REV3L: variants seen among roughly 807,000 people sequenced by gnomAD.
The protein encoded by REV3L is DNA polymerase zeta catalytic subunit.
In REV3L, 69 loss-of-function variants were observed where a neutral mutation model predicts 299.4. The observed-to-expected ratio is 0.23, with a 90% confidence interval of 0.19 to 0.28. REV3L has a LOEUF of 0.28. REV3L is among the 10% of genes least tolerant of loss of function. REV3L has a pLI of 1.00. For synonymous variants in REV3L, 1,238 were observed against 1,271.4 expected, an observed-to-expected ratio of 0.97 and a Z score of 0.56; for missense variants, 3,128 against 3,693.8, an observed-to-expected ratio of 0.85 and a Z score of 3.97.
chr6:111,475,181 C>T (rs1298864590), intron 1 of REV3L, among the ~76,000 whole-genome samples: 14 of 152,114 alleles, frequency 9.2e-5, no homozygotes, highest in Admixed American at 9.2e-4. Context: ...CACAGCAGTA[C>T]ACATAGTATT....
At position 111,482,731 on chromosome 6, in the gene REV3L, G is replaced by A; in HGVS notation, c.139+19C>T. 2 of 1,337,202 alleles carry A rather than the reference G, an allele frequency of 1.5e-6. No homozygotes were observed. The highest frequency in any genetic ancestry group is 1.9e-6 in the Non-Finnish European group (2 of 1,036,408). The allele number at this position is 1,337,202 out of a possible 1,614,324, so 82.8% of individuals were successfully genotyped here. A position where few individuals can be genotyped will look rare whatever the true frequency, so the allele number is the denominator to read the frequency against. On this transcript the variant is annotated intron_variant, in intron 1 of 31. Transcript: ENST00000368802. Reference sequence around the variant, plus strand: ...CCCCGCCGACTCCCGCTCCCGCCCCGCGCCCGGCGCCCGCTTACCTGCCGG... The same window carrying A: ...CCCCGCCGACTCCCGCTCCCGCCCCACGCCCGGCGCCCGCTTACCTGCCGG...
intron 1 of REV3L, among the ~76,000 whole-genome samples, chr6:111,436,178 A>G (rs1435084868): frequency 6.6e-6 from 1 of 152,208 alleles, no homozygotes; most frequent in African/African-American, 2.4e-5. Flanking sequence ...GGATGCGGAT[A>G]AAGGAGAATC....
intron 5 of REV3L, among the ~76,000 whole-genome samples, chr6:111,391,401 T>A (rs1425126339): frequency 6.6e-6 from 1 of 152,166 alleles, no homozygotes; most frequent in Admixed American, 6.5e-5. Flanking sequence ...GAAAAACATG[T>A]TAGCAAAAAC....
At chr6:111,376,856 T>A in intron 12 of REV3L, 99 bp from the exon 13 acceptor site, 1 of 925,950 alleles carries the variant, frequency 1.1e-6, no homozygotes. Flanking sequence ...TATGAAAAAA[T>A]TACATCAAAT....
At chr6:111,431,215 G>A (rs1786885062) in intron 1 of REV3L, 4 of 1,564,202 alleles carry the variant, frequency 2.6e-6, no homozygotes, top group South Asian at 2.2e-5. Context: ...TAGTTTACTG[G>A]ATGTTTTAAC....
chr6:111,359,015 C>T lies in REV3L; in HGVS notation c.6880-1G>A, dbSNP rs1488663590. ...CACTGATTAGGGTAAGATTTTGTATCTATAAAAGCAAATAAATACTATGTT... is the reference window on the plus strand; with the variant it reads ...CACTGATTAGGGTAAGATTTTGTATTTATAAAAGCAAATAAATACTATGTT... On this transcript the variant is annotated splice_acceptor_variant, in intron 16 of 31. Transcript: ENST00000368802. LOFTEE classifies it high-confidence loss of function. The T allele has an allele frequency of 6.3e-7, 1 of 1,599,146 alleles. No individual in the cohort carries two copies. The highest frequency in any genetic ancestry group is 8.5e-7 in the Non-Finnish European group (1 of 1,171,862).
In REV3L at chr6:111,389,176, T is replaced by C. The variant is rs766492331; in HGVS notation, c.792A>G (p.Ile264Met). The C allele has an allele frequency of 1.2e-5, 20 of 1,613,870 alleles. No homozygotes were observed. Among genetic ancestry groups the C allele is most frequent in the Non-Finnish European group, 1.3e-5 (15 of 1,179,922 alleles). The stretch of plus-strand genomic sequence containing the variant: ...TTCGCCGTTGCTTTTCATCTTCCCA[T>C]ATGGCCTGTAGACCAGGGTTTCCAC... Reference protein sequence around the residue: ...QIGGNPGLQAIWEDEKQRRRN... With the variant: ...QIGGNPGLQAMWEDEKQRRRN... The change falls in exon 7 of 32, where the codon ATA becomes ATG. Residue 264 changes from isoleucine (I) to methionine (M), a missense_variant. Coordinates refer to ENST00000368802, the MANE Select transcript of REV3L (RefSeq NM_001372078.1).
intron 16 of REV3L, 108 bp downstream of exon 16, chr6:111,363,745 G>T: frequency 9.9e-7 from 1 of 1,008,518 alleles, no homozygotes; most frequent in Non-Finnish European, 1.4e-6. Context: ...TAATAGGATA[G>T]AATTCAATAT....
intron 1 of REV3L, among the ~76,000 whole-genome samples, chr6:111,470,903 T>TCGGGAGGTGGAGGTTGCA (rs201513672): frequency 0.024 from 3,575 of 152,042 alleles, 59 homozygotes; most frequent in Admixed American, 0.063. Context: ...TCATTTGAAC[T>TCGGGAGGTGGAGGTTGCA]CGGGAGGTGG....
intron 3 of REV3L, among the ~76,000 whole-genome samples, chr6:111,408,622 C>CAAAACAAAACAA: frequency 6.6e-6 from 1 of 151,366 alleles, no homozygotes; most frequent in South Asian, 2.1e-4. Context: ...CAAAACAAAA[C>CAAAACAAAACAA]AAAACAAAAC....
At position 111,468,231 on chromosome 6, in the gene REV3L, G is replaced by A. The variant is rs1791739831; in HGVS notation, c.139+14519C>T. ...CAGGATCTTTTCCTTCCATTCCCAT[G>A]CCTAATACTTAAACCTAACTTCATC... is the stretch of plus-strand genomic sequence containing the variant. On this transcript the variant is annotated intron_variant, in intron 1 of 31. Transcript: ENST00000368802. Among the ~76,000 whole-genome samples, 4 of 152,162 alleles carry A rather than the reference G, an allele frequency of 2.6e-5. No homozygotes were observed. In the South Asian group the frequency reaches 8.3e-4, roughly 32 times the overall value.
chr6:111,453,458 C>T (rs1789791425), intron 1 of REV3L, among the ~76,000 whole-genome samples: 1 of 151,964 alleles, frequency 6.6e-6, no homozygotes, highest in Non-Finnish European at 1.5e-5. Flanking sequence ...ACATAAGATA[C>T]ACTCAAGGTT....
chr6:111,309,153 G>A (rs1772671853), intron 30 of REV3L: 1 of 152,316 alleles, frequency 6.6e-6, no homozygotes, highest in South Asian at 2.1e-4. Context: ...TAGGCGGCTT[G>A]TGTTAACCAG....
chr6:111,356,911 A>C (rs944074659), intron 18 of REV3L, 103 bp downstream of exon 18: 1 of 520,748 alleles, frequency 1.9e-6, no homozygotes. Flanking sequence ...ATAGGAAGGG[A>C]TTCGCTTTCT....
chr6:111,327,127 C>G (rs1321272218), intron 25 of REV3L, among the ~76,000 whole-genome samples: 3 of 152,150 alleles, frequency 2.0e-5, no homozygotes, highest in Non-Finnish European at 4.4e-5. Context: ...TTCAAAAATC[C>G]TACCAAATTC....
intron 1 of REV3L, among the ~76,000 whole-genome samples, chr6:111,475,148 T>A (rs897218586): frequency 6.6e-6 from 1 of 150,846 alleles, no homozygotes; most frequent in African/African-American, 2.4e-5. Context: ...TTGCTTTTTT[T>A]CCTCATATCT....
chr6:111,315,977 C>T (rs886478227), intron 26 of REV3L, among the ~76,000 whole-genome samples: 6 of 152,028 alleles, frequency 3.9e-5, no homozygotes, highest in Admixed American at 6.6e-5. Flanking sequence ...CAGTGGCTCA[C>T]GCCTATAATC....
intron 12 of REV3L, among the ~76,000 whole-genome samples, chr6:111,376,985 T>G (rs180762216): frequency 6.6e-6 from 1 of 152,344 alleles, no homozygotes; most frequent in Admixed American, 6.5e-5. Flanking sequence ...AGAAATAGAT[T>G]ATATTACTAT....
chr6:111,316,564 G>A (rs1443946374), intron 26 of REV3L, among the ~76,000 whole-genome samples: 1 of 151,944 alleles, frequency 6.6e-6, no homozygotes, highest in East Asian at 1.9e-4. Flanking sequence ...TACTTGGGAG[G>A]CTGAGGTGGG....
Sources: gnomAD v4.1 joint callset for allele counts (sites outside exome capture counted in the v4.1 genomes callset) on GRCh38, gnomAD v4.1.1 for gene constraint, MANE v1.5 for transcripts, NCBI Gene and HGNC (gene_info 2026-07-23, HGNC 2026-07-21) for gene names.